Variants in NKPD1 observed in about 807,000 individuals in gnomAD.
The protein encoded by NKPD1 is NTPase KAP family P-loop domain containing 1.
A neutral mutation model predicts 42.2 loss-of-function variants in NKPD1; 37 were observed. That is an observed-to-expected ratio of 0.88 (90% CI 0.67 to 1.15). The LOEUF (loss-of-function observed/expected upper bound fraction) is 1.15, where lower values mean the gene tolerates loss of function less well. NKPD1 is among the 50% of genes most tolerant of loss of function. The probability of loss-of-function intolerance (pLI) is 0.00; values close to 1 mark genes in which losing one functional copy is unlikely to be tolerated. For synonymous variants in NKPD1, 552 were observed against 536.5 expected, an observed-to-expected ratio of 1.03 and a Z score of -0.40; for missense variants, 1,113 against 1,174.6, an observed-to-expected ratio of 0.95 and a Z score of 0.77.
chr19:45,159,098 A>G lies in NKPD1; in HGVS notation c.94T>C (p.Cys32Arg). 7.8e-7 allele frequency: 1 copy of G among 1,279,816 alleles called. No individual in the cohort carries two copies. Among genetic ancestry groups the G allele is most frequent in the Non-Finnish European group, 1.0e-6 (1 of 982,648 alleles). The allele number at this position is 1,279,816 out of a possible 1,614,324, so 79.3% of individuals were successfully genotyped here. ...GAGTCCTGGCGCCACTGATGACAGC[A>G]TCCTGGAAGGAAGGAAGTGGGGGTG... is the stretch of plus-strand genomic sequence containing the variant. ...WDPELGHRKG[C>R]CHQWRQDSAA... The change falls in exon 3 of 5, where the codon TGC becomes CGC. Residue 32 changes from cysteine to arginine, a missense_variant and splice_region_variant. Transcript: ENST00000686631.
chr19:45,154,635 G>T (rs1880853364), intron 4 of NKPD1, among the ~76,000 whole-genome samples: 1 of 152,162 alleles, frequency 6.6e-6, no homozygotes, highest in South Asian at 2.1e-4. Context: ...GCCTGCACCA[G>T]GGCTGGGCAC....
At position 45,153,258 on chromosome 19, in the gene NKPD1, G is replaced by A. The variant is rs1968831246; in HGVS notation, c.1179C>T (p.Leu393=). Residue 393 remains leucine (L), a synonymous_variant, in exon 5 of 5, where the codon CTC becomes CTT. Transcript: ENST00000686631. The part of the protein sequence containing the change: ...AATTLSGSGL[L]MAVYSVGKHL... ...GCTTGCCCACCGAGTACACGGCCAT[G>A]AGCAGCCCCGAGCCCGACAGTGTGG... The A allele has an allele frequency of 6.2e-7, 1 of 1,602,282 alleles. No homozygotes were observed. Among genetic ancestry groups the A allele is most frequent in the African/African-American group, 1.3e-5 (1 of 74,832 alleles).
intron 4 of NKPD1, 96 bp from the exon 5 acceptor site, chr19:45,153,871 G>T: frequency 8.8e-6 from 11 of 1,255,682 alleles, no homozygotes; most frequent in Non-Finnish European, 1.1e-5. Context: ...GGAGAGGCGA[G>T]GGGCGCCCAG....
intron 4 of NKPD1, among the ~76,000 whole-genome samples, chr19:45,155,197 A>C (rs1215890844): frequency 6.6e-6 from 1 of 152,036 alleles, no homozygotes; most frequent in Non-Finnish European, 1.5e-5. Context: ...GAGCGCCTGT[A>C]ATCCCAGCTA....
upstream of NKPD1, among the ~76,000 whole-genome samples, chr19:45,162,247 G>A (rs1969021355): frequency 1.3e-5 from 2 of 152,208 alleles, no homozygotes; most frequent in Non-Finnish European, 2.9e-5. Flanking sequence ...AGTGGGCCAG[G>A]CGGGCAGCAC....
At chr19:45,161,353 C>T (rs566863729), upstream of NKPD1, among the ~76,000 whole-genome samples, 76 of 152,306 alleles carry the variant, frequency 5.0e-4, no homozygotes, top group South Asian at 1.2e-3. Context: ...GTGGCTGTCG[C>T]GAGGGAGGCA....
chr19:45,159,048 G>A lies in NKPD1; in HGVS notation c.144C>T (p.Pro48=). ...AGTGTGATTGGGGGGAAGGCCGACA[G>A]GGCCCATGGGCTCGGAGGGCCGCTG... ...QDSAALRAHG[P]CRPSPQSHWQ... The change falls in exon 3 of 5, where the codon CCC becomes CCT. Residue 48 remains proline (P), a synonymous_variant. Transcript: ENST00000686631. 2 of 1,300,150 alleles carry A rather than the reference G, an allele frequency of 1.5e-6. No homozygotes were observed. The highest frequency in any genetic ancestry group is 2.0e-6 in the Non-Finnish European group (2 of 987,926). 80.5% of individuals were successfully genotyped at this position (1,300,150 alleles called of 1,614,324 possible). A position where few individuals can be genotyped will look rare whatever the true frequency, so the allele number is the denominator to read the frequency against.
chr19:45,153,060 G>A lies in NKPD1; in HGVS notation c.1377C>T (p.Thr459=), dbSNP rs770371193. The A allele has an allele frequency of 6.3e-7, 1 of 1,583,798 alleles. No homozygotes were observed. The highest frequency in any genetic ancestry group is 8.6e-7 in the Non-Finnish European group (1 of 1,165,370). ...RRRLRVVLEV[T]GLDTCYPERV... Reference sequence around the variant, plus strand: ...GCTCCGGGTAGCACGTGTCCAGCCCGGTGACCTCCAGCACCACGCGCAGCC... The same window carrying A: ...GCTCCGGGTAGCACGTGTCCAGCCCAGTGACCTCCAGCACCACGCGCAGCC... The change falls in exon 5 of 5, where the codon ACC becomes ACT. Residue 459 remains threonine (T), a synonymous_variant. Coordinates refer to ENST00000686631, the MANE Select transcript of NKPD1 (RefSeq NM_198478.4).
chr19:45,157,155 T>TCGGC (rs1968918535), intron 3 of NKPD1, among the ~76,000 whole-genome samples: 1 of 152,180 alleles, frequency 6.6e-6, no homozygotes, highest in Non-Finnish European at 1.5e-5. Flanking sequence ...TCCTGCTCCC[T>TCGGC]CGGCCACCTG....
Position 45,153,433 on chromosome 19 carries a change from T to C in NKPD1, c.1004A>G (p.His335Arg), listed in dbSNP as rs1275632255. 2.6e-6 allele frequency: 4 copies of C among 1,548,124 alleles called. No homozygotes were observed. The highest frequency in any genetic ancestry group is 1.4e-5 in the African/African-American group (1 of 73,634). Residue 335 changes from histidine to arginine, a missense_variant, in exon 5 of 5, where the codon CAT becomes CGT. His to Arg is a conservative substitution (Grantham distance 29). This residue lies in a region of NKPD1 where 867 missense variants were observed against 870.1 expected (regional missense o/e 1.00). Transcript: ENST00000686631. ...CCCCAGGCACACGCGGCGCCGACAA[T>C]GCCACTCGCTCTGGCAGCAGTCCTG... ...TRQDCCQSEW[H>R]CRRRVCLGLL...
At chr19:45,156,234 C>A (rs1051863912) in intron 3 of NKPD1, among the ~76,000 whole-genome samples, 5 of 152,182 alleles carry the variant, frequency 3.3e-5, no homozygotes, top group African/African-American at 1.2e-4. Context: ...GCCCGTGATT[C>A]CCCCGGGGAA....
Position 45,160,175 on chromosome 19 carries a change from G to C in NKPD1, c.-25C>G, listed in dbSNP as rs1262057219. 6.2e-6 allele frequency: 8 copies of C among 1,286,348 alleles called. No homozygotes were observed. Among genetic ancestry groups the C allele is most frequent in the Admixed American group, 2.3e-5 (1 of 43,352 alleles). 79.7% of individuals were successfully genotyped at this position (1,286,348 alleles called of 1,614,324 possible). A position where few individuals can be genotyped will look rare whatever the true frequency, so the allele number is the denominator to read the frequency against. On this transcript the variant is annotated 5_prime_UTR_variant, in exon 2 of 5. Coordinates refer to ENST00000686631, the MANE Select transcript of NKPD1 (RefSeq NM_198478.4). ...TGGCAGCCGGGCAGCTGGGTGCTGG[G>C]GGCCTGCTCCTGAGGCAGGAGGGAG...
rs532381140 is a variant in NKPD1, at chr19:45,155,686, G to C, written c.661+99C>G. ...GGAGGGCCTGGGCTGGGGCAGGCTG[G>C]CCACAGGGGTGGGGGGATCTGGGGG... On this transcript the variant is annotated intron_variant, in intron 4 of 4. Coordinates refer to ENST00000686631, the MANE Select transcript of NKPD1 (RefSeq NM_198478.4). 1.0e-5 allele frequency: 12 copies of C among 1,173,548 alleles called. No homozygotes were observed. In the East Asian group the frequency reaches 6.6e-4, roughly 64 times the overall value. 72.7% of individuals were successfully genotyped at this position (1,173,548 alleles called of 1,614,324 possible). A position where few individuals can be genotyped will look rare whatever the true frequency, so the allele number is the denominator to read the frequency against.
chr19:45,158,844 G>T lies in NKPD1; in HGVS notation c.348C>A (p.Val116=). 1 of 1,283,390 alleles carries T rather than the reference G, an allele frequency of 7.8e-7. No homozygotes were observed. Among genetic ancestry groups the T allele is most frequent in the Non-Finnish European group, 1.0e-6 (1 of 979,046 alleles). The allele number at this position is 1,283,390 out of a possible 1,614,324, so 79.5% of individuals were successfully genotyped here. ...AQKGLPATST[V]PKEPASAPQA... is the part of the protein sequence containing the mutation. ...GAGGGGCGCTGGCAGGTTCCTTGGG[G>T]ACAGTGGAGGTTGCAGGCAGCCCCT... Residue 116 remains valine (V), a synonymous_variant, in exon 3 of 5, where the codon GTC becomes GTA. Coordinates refer to ENST00000686631, the MANE Select transcript of NKPD1 (RefSeq NM_198478.4). This position sits in a 1 kb window ranked among gnomAD's most constrained non-coding sequence, Gnocchi z 4.6.
rs114169531 is a variant in NKPD1 at position 45,160,442 on chromosome 19, G to T, written c.-71-221C>A. Among the ~76,000 whole-genome samples, 1,273 of 152,294 alleles carry T rather than the reference G, an allele frequency of 8.4e-3. 14 individuals are homozygous for T. Among genetic ancestry groups the T allele is most frequent in the African/African-American group, 0.029 (1,185 of 41,538 alleles). On this transcript the variant is annotated intron_variant, in intron 1 of 4. Coordinates refer to ENST00000686631, the MANE Select transcript of NKPD1 (RefSeq NM_198478.4). ...GCTAGGGGTTAATTTGAGGCTGGGT[G>T]TTGGGAAGCTCCTGGGAGTTTCCAA...
chr19:45,155,098 T>C (rs1025222450), intron 4 of NKPD1, among the ~76,000 whole-genome samples: 6 of 147,448 alleles, frequency 4.1e-5, no homozygotes, highest in East Asian at 2.0e-4. Context: ...CTGAGGCGGA[T>C]CACATGAGGT....
chr19:45,155,682 G>T, intron 4 of NKPD1, 103 bp downstream of exon 4: 1 of 1,152,388 alleles, frequency 8.7e-7, no homozygotes, highest in Non-Finnish European at 1.1e-6. Flanking sequence ...GCTGGGGCAG[G>T]CTGGCCACAG....
rs777192463 is a variant in NKPD1 at position 45,152,880 on chromosome 19, G to C, written c.1557C>G (p.Leu519=). Residue 519 remains leucine, a synonymous_variant, in exon 5 of 5, where the codon CTC becomes CTG. Coordinates refer to ENST00000686631, the MANE Select transcript of NKPD1 (RefSeq NM_198478.4). ...AGAAGGGCAGCGTGACAGTGCGGTT[G>C]AGGAAGAGGTAGCCGTTATCGGCCG... is the stretch of plus-strand genomic sequence containing the variant. ...KGTADNGYLF[L]NRTVTLPFSV... The C allele has an allele frequency of 1.9e-6, 3 of 1,586,778 alleles. No homozygotes were observed. The highest frequency in any genetic ancestry group is 2.6e-6 in the Non-Finnish European group (3 of 1,163,700).
rs1568455713 is a variant in NKPD1 at position 45,152,323 on chromosome 19, G to C, written c.2114C>G (p.Thr705Ser). The C allele has an allele frequency of 6.2e-7, 1 of 1,609,448 alleles. No individual in the cohort carries two copies. Reference sequence around the variant, plus strand: ...GTCGAGCACGTTCTGCAACGCCTTGGTCATGGTGTGCAGCTCGCGGCTGTT... The same window carrying C: ...GTCGAGCACGTTCTGCAACGCCTTGCTCATGGTGTGCAGCTCGCGGCTGTT... Reference protein sequence around the residue: ...RDNSRELHTMTKALQNVLDLD... With the variant: ...RDNSRELHTMSKALQNVLDLD... The change falls in exon 5 of 5, where the codon ACC (threonine) becomes AGC (serine). Residue 705 changes from threonine to serine, a missense_variant. By Grantham distance (58) the Thr-to-Ser change is moderately conservative. This residue lies in a region of NKPD1 where 867 missense variants were observed against 870.1 expected (regional missense o/e 1.00). Transcript: ENST00000686631.
Sources: gnomAD v4.1 joint callset for allele counts (sites outside exome capture counted in the v4.1 genomes callset) on GRCh38, gnomAD v4.1.1 for gene constraint, gnomAD v4.1.1 regional missense constraint, Gnocchi (gnomAD v3.1) non-coding constraint, MANE v1.5 for transcripts, NCBI Gene and HGNC (gene_info 2026-07-23, HGNC 2026-07-21) for gene names.